FAM171A1: variants seen among roughly 807,000 people sequenced by gnomAD.
FAM171A1 encodes the protein protein FAM171A1.
A neutral mutation model predicts 74.9 loss-of-function variants in FAM171A1; 23 were observed. The observed-to-expected ratio is 0.31, with a 90% CI of 0.22 to 0.44. The LOEUF (loss-of-function observed/expected upper bound fraction) is 0.44, where lower values mean the gene tolerates loss of function less well. Ranked by LOEUF, FAM171A1 falls within the 20% of genes least tolerant of loss-of-function variation. FAM171A1 has a pLI of 1.00. For missense variants in FAM171A1, 1,162 were observed against 1,159.2 expected (o/e 1.00, Z -0.03); for synonymous variants, 527 against 505.7 (o/e 1.04, Z -0.57).
At chr10:15,338,542 A>C (rs1019008414) in intron 1 of FAM171A1, among the ~76,000 whole-genome samples, 3 of 152,218 alleles carry the variant, frequency 2.0e-5, no homozygotes, top group Non-Finnish European at 4.4e-5. Context: ...TATCAATTTT[A>C]CCTGAAATAA....
chr10:15,330,263 C>T (rs921496467), intron 1 of FAM171A1, among the ~76,000 whole-genome samples: 10 of 152,112 alleles, frequency 6.6e-5, no homozygotes, highest in South Asian at 2.1e-4. Context: ...CGCCTGAACC[C>T]GGCAGGTGGA....
chr10:15,343,842 A>T (rs1341710188), intron 1 of FAM171A1, among the ~76,000 whole-genome samples: 1 of 152,180 alleles, frequency 6.6e-6, no homozygotes, highest in Admixed American at 6.5e-5. Flanking sequence ...CCAGGTAATG[A>T]TAATGTCCCA....
At chr10:15,271,080 C>T (rs1177759350) in intron 3 of FAM171A1, among the ~76,000 whole-genome samples, 1 of 152,154 alleles carries the variant, frequency 6.6e-6, no homozygotes, top group Non-Finnish European at 1.5e-5. Context: ...TAATAACAAA[C>T]TTCTCTGAGC....
intron 1 of FAM171A1, among the ~76,000 whole-genome samples, chr10:15,368,779 A>C (rs190965629): frequency 6.6e-6 from 1 of 152,348 alleles, no homozygotes; most frequent in African/African-American, 2.4e-5. Context: ...AGAACACATG[A>C]ATTTTAAAAC....
At chr10:15,313,874 T>C (rs1294128935) in intron 1 of FAM171A1, among the ~76,000 whole-genome samples, 3 of 152,118 alleles carry the variant, frequency 2.0e-5, no homozygotes, top group South Asian at 4.1e-4. Context: ...CAACCGAGGG[T>C]TGATCTGTTT....
chr10:15,283,769 G>C, intron 2 of FAM171A1, 109 bp downstream of exon 2: 1 of 1,041,420 alleles, frequency 9.6e-7, no homozygotes, highest in Non-Finnish European at 1.4e-6. Flanking sequence ...TTTTTTTGTA[G>C]AGATGCAGTC....
intron 3 of FAM171A1, among the ~76,000 whole-genome samples, chr10:15,271,341 G>A (rs1254169387): frequency 1.3e-5 from 2 of 152,084 alleles, no homozygotes; most frequent in African/African-American, 2.4e-5. Context: ...GAGAAATAAA[G>A]TAAAAAGAAA....
intron 3 of FAM171A1, among the ~76,000 whole-genome samples, chr10:15,272,820 A>C (rs1454899773): frequency 2.0e-5 from 3 of 152,246 alleles, no homozygotes; most frequent in African/African-American, 7.2e-5. Flanking sequence ...TGAAGGCAGA[A>C]ATAAAGATTT....
chr10:15,322,464 C>G (rs1835498042), intron 1 of FAM171A1, among the ~76,000 whole-genome samples: 1 of 152,204 alleles, frequency 6.6e-6, no homozygotes, highest in Non-Finnish European at 1.5e-5. Context: ...TAGCATTTCC[C>G]TCACCTGAAC....
rs193067579 is a variant in FAM171A1, at chr10:15,268,554, G to A, written c.418+7301C>T. Reference sequence around the variant, plus strand: ...TCTATGTGTCCATACTGAGTTGGAGGTGCCTGACAGGCCTCCAAGCAGAGG... The same window carrying A: ...TCTATGTGTCCATACTGAGTTGGAGATGCCTGACAGGCCTCCAAGCAGAGG... On this transcript the variant is annotated intron_variant, in intron 3 of 7. Coordinates refer to ENST00000378116, the MANE Select transcript of FAM171A1 (RefSeq NM_001010924.2). Among the ~76,000 whole-genome samples, 17 of 152,108 alleles carry A rather than the reference G, an allele frequency of 1.1e-4. No homozygotes were observed. In the East Asian group the frequency reaches 3.1e-3, roughly 28 times the overall value.
At chr10:15,216,208 A>G (rs1006474327) in intron 6 of FAM171A1, 98 bp from the exon 7 acceptor site, 1 of 745,280 alleles carries the variant, frequency 1.3e-6, no homozygotes. Context: ...TACTCTTCTT[A>G]GCTGGGGCAT....
intron 1 of FAM171A1, among the ~76,000 whole-genome samples, chr10:15,303,546 G>A (rs958004993): frequency 6.6e-6 from 1 of 152,106 alleles, no homozygotes; most frequent in African/African-American, 2.4e-5. Flanking sequence ...TCCCTCTCTC[G>A]CCTGGAGAAA....
At chr10:15,361,101 ATGAT>A (rs1378750428) in intron 1 of FAM171A1, among the ~76,000 whole-genome samples, 1 of 152,234 alleles carries the variant, frequency 6.6e-6, no homozygotes, top group Non-Finnish European at 1.5e-5. Flanking sequence ...TTAATAAAAT[ATGAT>A]TAATTATAAA....
chr10:15,275,111 G>A (rs1325679175), intron 3 of FAM171A1, among the ~76,000 whole-genome samples: 1 of 152,074 alleles, frequency 6.6e-6, no homozygotes, highest in Non-Finnish European at 1.5e-5. Flanking sequence ...GTGGGGTTGG[G>A]GGAGTGGGGA....
chr10:15,226,216 G>A (rs927937423), intron 5 of FAM171A1, among the ~76,000 whole-genome samples: 24 of 152,186 alleles, frequency 1.6e-4, no homozygotes, highest in African/African-American at 4.8e-4. Flanking sequence ...CAACCTGGTC[G>A]TGCAGCCGGC....
chr10:15,268,280 G>C (rs757713523), intron 3 of FAM171A1, among the ~76,000 whole-genome samples: 17 of 152,114 alleles, frequency 1.1e-4, no homozygotes, highest in Non-Finnish European at 2.2e-4. Context: ...GTAAACACTT[G>C]ATTACTGGTT....
chr10:15,323,561 C>T (rs1835513922), intron 1 of FAM171A1, among the ~76,000 whole-genome samples: 1 of 152,106 alleles, frequency 6.6e-6, no homozygotes, highest in African/African-American at 2.4e-5. Context: ...CCCCTGCAGG[C>T]AGATCTATTC....
rs191931907 is a variant in FAM171A1 at position 15,350,423 on chromosome 10, C to T, written c.97+20533G>A. ...CGTGATCTCGGCTCACTGCAACCTG[C>T]GCCTGCCTCCTTGGTTCATGCAATT... is the stretch of plus-strand genomic sequence containing the variant. On this transcript the variant is annotated intron_variant, in intron 1 of 7. Coordinates refer to ENST00000378116, the MANE Select transcript of FAM171A1 (RefSeq NM_001010924.2). Among the ~76,000 whole-genome samples, 25 of 143,104 alleles carry T rather than the reference C, an allele frequency of 1.7e-4. 1 individual carries two copies. Among genetic ancestry groups the T allele is most frequent in the East Asian group, 8.6e-4 (4 of 4,664 alleles). The allele number at this position is 143,104 out of a possible 152,430, so 93.9% of individuals were successfully genotyped here. A position where few individuals can be genotyped will look rare whatever the true frequency, so the allele number is the denominator to read the frequency against.
intron 5 of FAM171A1, 136 bp from the exon 6 acceptor site, chr10:15,221,196 G>C: frequency 1.6e-6 from 1 of 611,206 alleles, no homozygotes; most frequent in Non-Finnish European, 2.6e-6. Flanking sequence ...TGGCCAAAGT[G>C]TCATCTAGGG....
Sources: gnomAD v4.1 joint callset for allele counts (sites outside exome capture counted in the v4.1 genomes callset) on GRCh38, gnomAD v4.1.1 for gene constraint, MANE v1.5 for transcripts, NCBI Gene and HGNC (gene_info 2026-07-23, HGNC 2026-07-21) for gene names.